PDE1B: variants seen among roughly 807,000 people sequenced by gnomAD.
PDE1B encodes the protein phosphodiesterase 1B, also known as dual specificity calcium/calmodulin-dependent 3',5'-cyclic nucleotide phosphodiesterase 1B.
PDE1B carries 13 observed loss-of-function variants against 66.7 expected under a neutral mutation model. The ratio of observed to expected loss-of-function variants is 0.19; its 90% CI spans 0.13 to 0.31. The LOEUF (loss-of-function observed/expected upper bound fraction) is 0.31. Ranked by LOEUF, PDE1B falls within the 10% of genes least tolerant of loss-of-function variation. PDE1B has a pLI of 1.00. For missense variants in PDE1B, 485 were observed against 682.3 expected, an observed-to-expected ratio of 0.71 and a Z score of 3.22; for synonymous variants, 230 against 253.9, an observed-to-expected ratio of 0.91 and a Z score of 0.90.
chr12:54,575,505 G>A lies in PDE1B; in HGVS notation c.1186-46G>A. The A allele has an allele frequency of 7.3e-7, 1 of 1,368,252 alleles. No homozygotes were observed. Among genetic ancestry groups the A allele is most frequent in the Non-Finnish European group, 1.0e-6 (1 of 955,798 alleles). The allele number at this position is 1,368,252 out of a possible 1,614,324, so 84.8% of individuals were successfully genotyped here. ...GCCACCTGTACCCCAGATCTGGTAG[G>A]TCTGAGGTATCCTCTCCAGCTTTCC... On this transcript the variant is annotated intron_variant, in intron 11 of 15. Coordinates refer to ENST00000243052, the MANE Select transcript of PDE1B (RefSeq NM_000924.4). This position sits in a 1 kb window ranked among gnomAD's most constrained non-coding sequence, Gnocchi z 4.0.
intron 14 of PDE1B, 69 bp downstream of exon 14, chr12:54,576,770 T>C: frequency 6.6e-7 from 1 of 1,505,960 alleles, no homozygotes; most frequent in Non-Finnish European, 9.0e-7. Context: ...AGGAGGTCCA[T>C]TTTTCTTAAG....
rs561362278 is a variant in PDE1B, at chr12:54,550,572, C to T, written c.113+587C>T. Among the ~76,000 whole-genome samples the T allele has an allele frequency of 3.1e-4, 47 of 151,508 alleles. 1 individual carries two copies. The South Asian group carries it at 9.6e-3, about 31-fold the overall frequency. The stretch of plus-strand genomic sequence containing the variant: ...ATCTCTTGGGGCCTGGAAACTCACT[C>T]TATGTATTAATGATGAGGGGACCCA... On this transcript the variant is annotated intron_variant, in intron 2 of 15. Transcript: ENST00000243052.
In PDE1B at chr12:54,572,477, AC is replaced by A. The variant is rs1268127583; in HGVS notation, c.595-123del. ...GCAGGATATGAGCCAGGTTCACCTAACTAGGTTCTGTGCTCTCTCCCTATGC... is the reference window on the plus strand; with the variant it reads ...GCAGGATATGAGCCAGGTTCACCTAATAGGTTCTGTGCTCTCTCCCTATGC... On this transcript the variant is annotated intron_variant, in intron 6 of 15. Coordinates refer to ENST00000243052, the MANE Select transcript of PDE1B (RefSeq NM_000924.4). 1.9e-5 allele frequency: 17 copies of A among 910,678 alleles called. No individual in the cohort carries two copies. In the African/African-American group the frequency reaches 2.8e-4, roughly 15 times the overall value. The allele number at this position is 910,678 out of a possible 1,614,324, so 56.4% of individuals were successfully genotyped here.
chr12:54,560,326 C>T (rs542846210), intron 2 of PDE1B, among the ~76,000 whole-genome samples: 1 of 152,320 alleles, frequency 6.6e-6, no homozygotes, highest in East Asian at 1.9e-4. Context: ...GGGAAAACTT[C>T]CTGTTATAAA....
rs747406673 is a variant in PDE1B at position 54,579,165 on chromosome 12, G to A, written c.*1323G>A. 14 of 764,582 alleles carry A rather than the reference G, an allele frequency of 1.8e-5. No individual in the cohort carries two copies. The highest frequency in any genetic ancestry group is 6.3e-5 in the Admixed American group (1 of 15,976). The allele number at this position is 764,582 out of a possible 1,614,324, so 47.4% of individuals were successfully genotyped here. On this transcript the variant is annotated 3_prime_UTR_variant, in exon 16 of 16. Coordinates refer to ENST00000243052, the MANE Select transcript of PDE1B (RefSeq NM_000924.4). ...ACCCCACCCCGAGAAGGGCAGAGAC[G>A]CATGTGACTCACCCCTGCCCTTGGT...
In PDE1B at chr12:54,568,712, C is replaced by G. The variant is rs531944940; in HGVS notation, c.228-472C>G. On this transcript the variant is annotated intron_variant, in intron 3 of 15. Transcript: ENST00000243052. ...TCAGGAGGCTGAGGCAGGAGAATCG[C>G]TCGAACCCGGGAGGCGGAGGTTGCA... is the stretch of plus-strand genomic sequence containing the variant. Among the ~76,000 whole-genome samples the G allele has an allele frequency of 2.9e-4, 44 of 152,158 alleles. No individual in the cohort carries two copies. In the South Asian group the frequency reaches 8.5e-3, roughly 29 times the overall value.
intron 3 of PDE1B, among the ~76,000 whole-genome samples, chr12:54,568,540 G>A (rs1412103325): frequency 6.7e-6 from 1 of 148,454 alleles, no homozygotes; most frequent in Non-Finnish European, 1.5e-5. Context: ...TATTTTGGAG[G>A]TATTAGGTAA....
At chr12:54,567,205 G>C in intron 3 of PDE1B, 118 bp downstream of exon 3, 3 of 543,218 alleles carry the variant, frequency 5.5e-6, no homozygotes, top group Non-Finnish European at 9.9e-6. Context: ...AAAGAGAGAG[G>C]GTGGACCAGA....
At chr12:54,576,934 G>C (rs995870124) in intron 14 of PDE1B, 8 of 611,078 alleles carry the variant, frequency 1.3e-5, no homozygotes, top group Non-Finnish European at 2.0e-5. Context: ...ACAACCCAAG[G>C]GTCCCTGTGC....
intron 2 of PDE1B, chr12:54,561,385 G>A (rs7954532): frequency 1.8e-5 from 19 of 1,066,368 alleles, no homozygotes; most frequent in Non-Finnish European, 2.3e-5. Flanking sequence ...ACCCAGTTCC[G>A]GTAGGCTGGG....
chr12:54,562,105 G>A (rs926653224), intron 2 of PDE1B, among the ~76,000 whole-genome samples: 13 of 152,150 alleles, frequency 8.5e-5, no homozygotes, highest in Non-Finnish European at 1.8e-4. Context: ...TCTTCTGCAG[G>A]AAGTCCTTCT....
At chr12:54,576,725 G>T in intron 14 of PDE1B, 24 bp downstream of exon 14, 1 of 1,583,674 alleles carries the variant, frequency 6.3e-7, no homozygotes, top group Non-Finnish European at 8.6e-7. Flanking sequence ...CAGAGGGCAG[G>T]GGTGAGAACT....
intron 2 of PDE1B, chr12:54,554,163 T>A (rs1386696155): frequency 6.6e-6 from 1 of 152,272 alleles, no homozygotes; most frequent in Non-Finnish European, 1.5e-5. Flanking sequence ...AGGAAGAAGC[T>A]GAGACTGGGT....
chr12:54,571,960 G>T, intron 6 of PDE1B: 1 of 152,718 alleles, frequency 6.5e-6, no homozygotes. Context: ...CCTGTCCTCT[G>T]GGAGCCTTGA....
rs765777703 is a variant in PDE1B, at chr12:54,573,327, G to T, written c.837-28G>T. ...TTGCCGGAGTCCCTCCTTACAGGGG[G>T]TGGTCATGATGACCTTTGGCTTTGT... On this transcript the variant is annotated intron_variant, in intron 8 of 15. Transcript: ENST00000243052. The surrounding 1 kb of genome is among the most constrained non-coding windows in gnomAD (Gnocchi z 5.2). 9 of 1,613,990 alleles carry T rather than the reference G, an allele frequency of 5.6e-6. No individual in the cohort carries two copies. Among genetic ancestry groups the T allele is most frequent in the South Asian group, 3.3e-5 (3 of 91,088 alleles).
At position 54,549,616 on chromosome 12, in the gene PDE1B, C is replaced by T. The variant is rs1957243962; in HGVS notation, c.-170C>T. On this transcript the variant is annotated 5_prime_UTR_variant, in exon 1 of 16. Coordinates refer to ENST00000243052, the MANE Select transcript of PDE1B (RefSeq NM_000924.4). Reference sequence around the variant, plus strand: ...CGGCTCTGGCAGCGCGCGGCGGCGGCGGCGGTAGCGGCAGCAGCAGCGGCG... The same window carrying T: ...CGGCTCTGGCAGCGCGCGGCGGCGGTGGCGGTAGCGGCAGCAGCAGCGGCG... 4 of 458,178 alleles carry T rather than the reference C, an allele frequency of 8.7e-6. No homozygotes were observed. The highest frequency in any genetic ancestry group is 6.4e-5 in the South Asian group (2 of 31,402). The allele number at this position is 458,178 out of a possible 1,614,324, so 28.4% of individuals were successfully genotyped here. A position where few individuals can be genotyped will look rare whatever the true frequency, so the allele number is the denominator to read the frequency against.
In PDE1B at chr12:54,576,472, C is replaced by G. The variant is rs528795299; in HGVS notation, c.1377-99C>G. On this transcript the variant is annotated intron_variant, in intron 13 of 15. Coordinates refer to ENST00000243052, the MANE Select transcript of PDE1B (RefSeq NM_000924.4). ...AAAGAGGAAGATGAAGTTCCCTGAA[C>G]CTTCTCCTGGTCTTCCATGTCCTGC... The G allele has an allele frequency of 3.5e-5, 50 of 1,439,298 alleles. 1 individual carries two copies. The South Asian group carries it at 5.8e-4, about 17-fold the overall frequency. The allele number at this position is 1,439,298 out of a possible 1,614,324, so 89.2% of individuals were successfully genotyped here. A position where few individuals can be genotyped will look rare whatever the true frequency, so the allele number is the denominator to read the frequency against.
At position 54,549,696 on chromosome 12, in the gene PDE1B, G is replaced by A. The variant is rs115589692; in HGVS notation, c.-90G>A. 2.3e-3 allele frequency: 1,138 copies of A among 496,546 alleles called. 6 individuals carry two copies. Among genetic ancestry groups the A allele is most frequent in the African/African-American group, 0.013 (632 of 50,292 alleles). The allele number at this position is 496,546 out of a possible 1,614,324, so 30.8% of individuals were successfully genotyped here. ...GCTCGGCTGGGCAGCGGGAGAGGAG[G>A]AGCCGCAGGAGCTGCAGCTCTGCCA... On this transcript the variant is annotated 5_prime_UTR_variant, in exon 1 of 16. Coordinates refer to ENST00000243052, the MANE Select transcript of PDE1B (RefSeq NM_000924.4).
At chr12:54,577,157 A>G in intron 14 of PDE1B, 68 bp from the exon 15 acceptor site, 2 of 1,321,802 alleles carry the variant, frequency 1.5e-6, no homozygotes, top group Non-Finnish European at 2.2e-6. Flanking sequence ...ATGTCTCCAC[A>G]TACTCCTTGG....
Sources: allele counts gnomAD v4.1 joint callset (sites outside exome capture counted in the v4.1 genomes callset), GRCh38; gene constraint gnomAD v4.1.1; non-coding constraint Gnocchi (gnomAD v3.1); transcripts MANE v1.5; gene names NCBI Gene and HGNC (gene_info 2026-07-23, HGNC 2026-07-21).